Variants in SMYD3 observed in about 807,000 individuals in gnomAD.
The protein encoded by SMYD3 is SET and MYND domain containing 3, also known as histone-lysine N-methyltransferase SMYD3.
In SMYD3, 36 loss-of-function variants were observed where a neutral mutation model predicts 57.7. That is an observed-to-expected ratio of 0.62 (90% CI 0.48 to 0.82). The LOEUF (loss-of-function observed/expected upper bound fraction) is 0.82, where lower values mean the gene tolerates loss of function less well. SMYD3 is among the 40% of genes least tolerant of loss of function. The pLI is 0.00. For missense variants in SMYD3, 515 were observed against 538.8 expected, an observed-to-expected ratio of 0.96 and a Z score of 0.44; for synonymous variants, 211 against 195.0, an observed-to-expected ratio of 1.08 and a Z score of -0.68.
At position 246,474,926 on chromosome 1, in the gene SMYD3, T is replaced by C. The variant is rs111752421; in HGVS notation, c.164+32128A>G. 3.6e-4 allele frequency among the ~76,000 whole-genome samples: 55 copies of C among 152,356 alleles called. 1 individual carries two copies. The highest frequency in any genetic ancestry group is 1.2e-3 in the African/African-American group (49 of 41,592). On this transcript the variant is annotated intron_variant, in intron 1 of 11. Transcript: ENST00000490107. ...AAGAACTAAGAAAATTGGTCCTATC[T>C]GTGCTATCAGATTAAGGAGGGTGTC...
intron 5 of SMYD3, among the ~76,000 whole-genome samples, chr1:246,171,600 C>T (rs1026575472): frequency 2.6e-5 from 4 of 152,196 alleles, no homozygotes; most frequent in East Asian, 1.9e-4. Context: ...TTGCCTATTG[C>T]TCCTAGGCTA....
chr1:245,921,547 G>GTATATATATATATATATATATATATA lies in SMYD3; in HGVS notation c.703-5908_703-5907insTATATATATATATATATATATATATA, dbSNP rs1491323831. Among the ~76,000 whole-genome samples, 287 of 34,916 alleles carry GTATATATATATATATATATATATATA rather than the reference G, an allele frequency of 8.2e-3. 10 individuals carry two copies. Among genetic ancestry groups the GTATATATATATATATATATATATATA allele is most frequent in the Non-Finnish European group, 0.014 (155 of 11,310 alleles). 22.9% of individuals were successfully genotyped at this position (34,916 alleles called of 152,430 possible). ...CATCAACAGTGAGCTAAAAAATGTGGTGTATATATATATATATATATATAC... is the reference window on the plus strand; with the variant it reads ...CATCAACAGTGAGCTAAAAAATGTGGTATATATATATATATATATATATATATGTATATATATATATATATATATAC... On this transcript the variant is annotated intron_variant, in intron 7 of 11. Transcript: ENST00000490107.
chr1:246,318,870 A>G (rs539689594), intron 5 of SMYD3, among the ~76,000 whole-genome samples: 2 of 152,370 alleles, frequency 1.3e-5, no homozygotes, highest in African/African-American at 4.8e-5. Flanking sequence ...TCAGAAGTTT[A>G]GCTGGCATCT....
At position 246,045,069 on chromosome 1, in the gene SMYD3, T is replaced by A. The variant is rs555031556; in HGVS notation, c.532-115132A>T. ...CGGACATACTGCCCAAGGTAATTTA[T>A]ACATTCAATGCCATCCCCATCAAGC... On this transcript the variant is annotated intron_variant, in intron 5 of 11. Transcript: ENST00000490107. 3.2e-4 allele frequency among the ~76,000 whole-genome samples: 48 copies of A among 152,272 alleles called. No homozygotes were observed. The South Asian group carries it at 9.8e-3, about 31-fold the overall frequency.
chr1:246,155,473 G>A (rs1439657525), intron 5 of SMYD3, among the ~76,000 whole-genome samples: 1 of 152,162 alleles, frequency 6.6e-6, no homozygotes, highest in Non-Finnish European at 1.5e-5. Context: ...ATCAACCAGT[G>A]CTGCTCTATA....
Position 246,110,476 on chromosome 1 carries a change from C to T in SMYD3, c.532-180539G>A, listed in dbSNP as rs568133780. Among the ~76,000 whole-genome samples the T allele has an allele frequency of 5.3e-5, 8 of 152,318 alleles. No individual in the cohort carries two copies. In the East Asian group the frequency reaches 5.8e-4, roughly 11 times the overall value. On this transcript the variant is annotated intron_variant, in intron 5 of 11. Transcript: ENST00000490107. ...AGCAGCTCTCTTACACTGTGTGTCT[C>T]GGCTGCTTGTTCCAGCCACTCCCAA...
At chr1:245,809,398 A>G (rs2148281254) in intron 10 of SMYD3, among the ~76,000 whole-genome samples, 1 of 152,236 alleles carries the variant, frequency 6.6e-6, no homozygotes. Flanking sequence ...AATAGCACCC[A>G]CCTCAGTTGG....
intron 1 of SMYD3, among the ~76,000 whole-genome samples, chr1:246,366,909 C>A (rs1410685437): frequency 2.2e-4 from 28 of 127,196 alleles, no homozygotes; most frequent in Admixed American, 9.9e-5. Flanking sequence ...CCAGCCTGGG[C>A]GACAGAGCGA....
At chr1:245,931,983 T>C (rs1455249195) in intron 5 of SMYD3, among the ~76,000 whole-genome samples, 1 of 152,224 alleles carries the variant, frequency 6.6e-6, no homozygotes, top group Non-Finnish European at 1.5e-5. Context: ...AACAGTACAT[T>C]GTCTATATAT....
chr1:246,433,060 C>T (rs767236071), intron 1 of SMYD3, among the ~76,000 whole-genome samples: 3 of 152,232 alleles, frequency 2.0e-5, no homozygotes, highest in South Asian at 4.2e-4. Flanking sequence ...TGATTCTATA[C>T]CTATAAAACC....
intron 8 of SMYD3, among the ~76,000 whole-genome samples, chr1:245,866,606 C>T (rs531430225): frequency 1.3e-5 from 2 of 152,172 alleles, no homozygotes; most frequent in Admixed American, 1.3e-4. Context: ...GTGGCACACG[C>T]CTGTAATCCC....
chr1:246,447,012 G>C (rs1371545087), intron 1 of SMYD3, among the ~76,000 whole-genome samples: 1 of 141,326 alleles, frequency 7.1e-6, no homozygotes, highest in East Asian at 2.0e-4. Context: ...CTCGGTGACA[G>C]AGCCAGACTC....
chr1:245,906,182 A>G (rs1372135070), intron 8 of SMYD3, among the ~76,000 whole-genome samples: 3 of 152,216 alleles, frequency 2.0e-5, no homozygotes, highest in African/African-American at 7.2e-5. Flanking sequence ...ATAGCAGAGG[A>G]AACAATCAGC....
intron 10 of SMYD3, among the ~76,000 whole-genome samples, chr1:245,791,849 C>G (rs1329894458): frequency 2.0e-5 from 3 of 152,110 alleles, no homozygotes; most frequent in Non-Finnish European, 2.9e-5. Flanking sequence ...GGGCCACTCC[C>G]TTCCCCATTA....
At chr1:245,879,522 G>A (rs777296474) in intron 8 of SMYD3, among the ~76,000 whole-genome samples, 55 of 152,216 alleles carry the variant, frequency 3.6e-4, no homozygotes, top group African/African-American at 1.2e-3. Flanking sequence ...AGACAGAGTC[G>A]CTGCTTCAAG....
intron 8 of SMYD3, among the ~76,000 whole-genome samples, chr1:245,884,596 G>A (rs2052978061): frequency 1.3e-5 from 2 of 152,114 alleles, no homozygotes; most frequent in African/African-American, 2.4e-5. Flanking sequence ...AGGTAGCCAT[G>A]TTGTCTGTTC....
At chr1:246,059,156 G>C (rs1391791548) in intron 5 of SMYD3, among the ~76,000 whole-genome samples, 1 of 152,156 alleles carries the variant, frequency 6.6e-6, no homozygotes, top group Non-Finnish European at 1.5e-5. Flanking sequence ...GATTAAAGGC[G>C]TGAGCCACCG....
intron 10 of SMYD3, among the ~76,000 whole-genome samples, chr1:245,832,809 CCTTT>C (rs545043826): frequency 3.4e-3 from 518 of 152,126 alleles, no homozygotes; most frequent in Non-Finnish European, 6.0e-3. Flanking sequence ...GTTTCATGTG[CCTTT>C]TTTTATAAGC....
At chr1:245,774,704 C>CACGGTCTCCCTCTCCCTCTCT (rs1381621346) in intron 10 of SMYD3, among the ~76,000 whole-genome samples, 6 of 132,220 alleles carry the variant, frequency 4.5e-5, no homozygotes, top group African/African-American at 8.2e-5. Flanking sequence ...TCTCCCTCTC[C>CACGGTCTCCCTCTCCCTCTCT]ACGGTCTCCC....
Sources: allele counts gnomAD v4.1 joint callset (sites outside exome capture counted in the v4.1 genomes callset), GRCh38; gene constraint gnomAD v4.1.1; transcripts MANE v1.5; gene names NCBI Gene and HGNC (gene_info 2026-07-23, HGNC 2026-07-21).